NUAK2: variants seen among roughly 807,000 people sequenced by gnomAD.
NUAK2 encodes the protein NUAK family kinase 2, also known as NUAK family SNF1-like kinase 2.
Under a neutral mutation model 29.8 loss-of-function variants are expected in NUAK2, and 20 were observed. That is an observed-to-expected ratio of 0.67 (90% CI 0.47 to 0.98). NUAK2 has a LOEUF of 0.98. Among genes scored for constraint, NUAK2 ranks in the 50% least tolerant of loss-of-function variants. NUAK2 has a pLI of 0.00. For missense variants in NUAK2, 719 were observed against 834.5 expected (o/e 0.86, Z 1.71); for synonymous variants, 331 against 342.6 (o/e 0.97, Z 0.37).
chr1:205,303,565 C>A lies in NUAK2; in HGVS notation c.1772G>T (p.Cys591Phe). The change falls in exon 7 of 7, where the codon TGC (cysteine) becomes TTC (phenylalanine). Residue 591 changes from cysteine to phenylalanine, a missense_variant. Physicochemically the swap from Cys to Phe is radical, Grantham distance 205 (BLOSUM62 -2). Around this residue, in one of 3 missense-constraint regions of NUAK2, gnomAD observed 430 missense variants for 465.7 expected, o/e 0.92. Coordinates refer to ENST00000367157, the MANE Select transcript of NUAK2 (RefSeq NM_030952.3). ...AGGATCCTGCCGCCAGCGCCTCAGG[C>A]AGCTTCCAGGGCCCTCTGAGGGGGG... is the stretch of plus-strand genomic sequence containing the variant. ...EEPPSEGPGSCLRRWRQDPLG... is the reference protein window; with the variant it reads ...EEPPSEGPGSFLRRWRQDPLG... 6.2e-7 allele frequency: 1 copy of A among 1,613,626 alleles called. No homozygotes were observed. The highest frequency in any genetic ancestry group is 8.5e-7 in the Non-Finnish European group (1 of 1,179,948).
intron 1 of NUAK2, among the ~76,000 whole-genome samples, chr1:205,312,729 G>A (rs1662273257): frequency 6.6e-6 from 1 of 152,214 alleles, no homozygotes; most frequent in Non-Finnish European, 1.5e-5. Context: ...CTTGAGCCCA[G>A]TAGGCAGAAG....
Position 205,321,420 on chromosome 1 carries a change from G to A in NUAK2, c.209C>T (p.Ala70Val), listed in dbSNP as rs1287147817. The change falls in exon 1 of 7, where the codon GCG (alanine) becomes GTG (valine). Residue 70 changes from alanine to valine, a missense_variant. Physicochemically the swap from Ala to Val is moderately conservative, Grantham distance 64. Transcript: ENST00000367157. Reference sequence around the variant, plus strand: ...CACCAGGCGCCCCGAGCTCTCCCGCGCCTTCTTCACCTTCCCGTAGGTGCC... The same window carrying A: ...CACCAGGCGCCCCGAGCTCTCCCGCACCTTCTTCACCTTCCCGTAGGTGCC... ...GKGTYGKVKK[A>V]RESSGRLVAI... 4 of 1,613,710 alleles carry A rather than the reference G, an allele frequency of 2.5e-6. No homozygotes were observed. Among genetic ancestry groups the A allele is most frequent in the Non-Finnish European group, 2.5e-6 (3 of 1,179,832 alleles).
chr1:205,312,063 C>T (rs1662265445), intron 1 of NUAK2, among the ~76,000 whole-genome samples: 1 of 152,186 alleles, frequency 6.6e-6, no homozygotes, highest in Non-Finnish European at 1.5e-5. Flanking sequence ...CGACAAGTCA[C>T]CTCCTTATTC....
At chr1:205,306,152 T>C (rs755798950) in intron 5 of NUAK2, 36 bp downstream of exon 5, 1 of 1,571,928 alleles carries the variant, frequency 6.4e-7, no homozygotes, top group African/African-American at 1.4e-5. Context: ...ATAGTAAACA[T>C]CTGAGGCAGG....
At chr1:205,313,142 G>C (rs1258742583) in intron 1 of NUAK2, among the ~76,000 whole-genome samples, 2 of 151,548 alleles carry the variant, frequency 1.3e-5, no homozygotes, top group Non-Finnish European at 2.9e-5. Context: ...CTGGAGATTG[G>C]TTTACAACAA....
In NUAK2 at chr1:205,308,196, T is replaced by C. The variant is rs773872146; in HGVS notation, c.539A>G (p.Asn180Ser). The C allele has an allele frequency of 1.2e-6, 2 of 1,606,954 alleles. No homozygotes were observed. Among genetic ancestry groups the C allele is most frequent in the Non-Finnish European group, 8.5e-7 (1 of 1,177,230 alleles). Reference sequence around the variant, plus strand: ...ATTCCCATTGGCATCCAAGAGGATGTTCTCCAGCTTGAGATCTCGGTGGAC... The same window carrying C: ...ATTCCCATTGGCATCCAAGAGGATGCTCTCCAGCTTGAGATCTCGGTGGAC... ...RVVHRDLKLE[N>S]ILLDANGNIK... Residue 180 changes from asparagine (N) to serine (S), a missense_variant, in exon 4 of 7, where the codon AAC becomes AGC. Around this residue, in one of 3 missense-constraint regions of NUAK2, gnomAD observed 283 missense variants for 345.6 expected, o/e 0.82. Transcript: ENST00000367157. This position sits in a 1 kb window ranked among gnomAD's most constrained non-coding sequence, Gnocchi z 4.1.
intron 1 of NUAK2, among the ~76,000 whole-genome samples, chr1:205,319,836 G>C (rs902397245): frequency 6.6e-6 from 1 of 151,946 alleles, no homozygotes; most frequent in Non-Finnish European, 1.5e-5. Flanking sequence ...CCAATGAAAT[G>C]ACTTCTTGAA....
chr1:205,315,898 A>G (rs1662321970), intron 1 of NUAK2, among the ~76,000 whole-genome samples: 1 of 152,080 alleles, frequency 6.6e-6, no homozygotes, highest in African/African-American at 2.4e-5. Context: ...AATAAAAATA[A>G]AATGACTAAA....
At chr1:205,311,886 T>G in intron 1 of NUAK2, 61 bp from the exon 2 acceptor site, 1 of 1,602,994 alleles carries the variant, frequency 6.2e-7, no homozygotes, top group South Asian at 1.1e-5. Flanking sequence ...CTGGGGGCCC[T>G]GGTCCTGGTG....
At chr1:205,311,513 G>A (rs2102254026) in intron 2 of NUAK2, among the ~76,000 whole-genome samples, 192 bp downstream of exon 2, 1 of 152,300 alleles carries the variant, frequency 6.6e-6, no homozygotes, top group Non-Finnish European at 1.5e-5. Flanking sequence ...AGGAACTGAG[G>A]CCCAGAGACT....
Position 205,308,807 on chromosome 1 carries a change from C to T in NUAK2, c.353-75G>A. On this transcript the variant is annotated intron_variant, in intron 2 of 6. Transcript: ENST00000367157. This position sits in a 1 kb window ranked among gnomAD's most constrained non-coding sequence, Gnocchi z 4.1. ...CTCCACTGGGGGTGACTCACTCCTC[C>T]CCGACCCCAGGCCCCAAACCAGACA... is the stretch of plus-strand genomic sequence containing the variant. The T allele has an allele frequency of 6.5e-6, 10 of 1,550,352 alleles. No homozygotes were observed. The South Asian group carries it at 9.0e-5, about 14-fold the overall frequency.
intron 1 of NUAK2, among the ~76,000 whole-genome samples, chr1:205,318,957 G>A (rs781080962): frequency 1.5e-4 from 23 of 152,188 alleles, no homozygotes; most frequent in Admixed American, 1.3e-4. Flanking sequence ...AAGTCACCCA[G>A]CTGGCTTTCC....
At chr1:205,306,118 A>G (rs1204058946) in intron 5 of NUAK2, 70 bp downstream of exon 5, 4 of 1,504,870 alleles carry the variant, frequency 2.7e-6, no homozygotes, top group Non-Finnish European at 3.6e-6. Context: ...AAACTAGCCC[A>G]TCAATCTCCC....
intron 1 of NUAK2, among the ~76,000 whole-genome samples, chr1:205,315,975 A>T (rs1488628233): frequency 1.3e-5 from 2 of 152,222 alleles, no homozygotes; most frequent in Non-Finnish European, 2.9e-5. Context: ...TGCCTGAGAC[A>T]GTCCTGGTCT....
chr1:205,313,260 A>G (rs1226181606), intron 1 of NUAK2, among the ~76,000 whole-genome samples: 4 of 151,040 alleles, frequency 2.6e-5, no homozygotes, highest in Non-Finnish European at 4.4e-5. Context: ...AAAAAAAAAA[A>G]GCCCCCAAAC....
intron 1 of NUAK2, among the ~76,000 whole-genome samples, chr1:205,316,739 G>A (rs1342869515): frequency 2.0e-5 from 3 of 152,218 alleles, no homozygotes; most frequent in Admixed American, 2.0e-4. Context: ...TGCTAGCCAA[G>A]TATTATTATA....
chr1:205,319,318 G>A (rs147666878), intron 1 of NUAK2, among the ~76,000 whole-genome samples: 2 of 152,288 alleles, frequency 1.3e-5, no homozygotes, highest in Non-Finnish European at 2.9e-5. Context: ...AGTATCTTCT[G>A]ATGTAATAAG....
In NUAK2 at chr1:205,308,636, C is replaced by T. The variant is rs558886995; in HGVS notation, c.449G>A (p.Arg150His). 2.7e-5 allele frequency: 44 copies of T among 1,614,102 alleles called. No individual in the cohort carries two copies. In the African/African-American group the frequency reaches 3.2e-4, roughly 12 times the overall value. ...YISERQQLSE[R>H]EARHFFRQIV... ...CTGCCGGAAGAAATGCCTAGCTTCG[C>T]GCTCACTGAGCTGCTGCCGCTCGCT... The change falls in exon 3 of 7, where the codon CGC becomes CAC. Residue 150 changes from arginine to histidine, a missense_variant. Physicochemically the swap from Arg to His is conservative, Grantham distance 29. Transcript: ENST00000367157. This position sits in a 1 kb window ranked among gnomAD's most constrained non-coding sequence, Gnocchi z 4.1.
At chr1:205,310,617 A>G (rs1038586816) in intron 2 of NUAK2, among the ~76,000 whole-genome samples, 6 of 151,934 alleles carry the variant, frequency 3.9e-5, no homozygotes, top group African/African-American at 1.5e-4. Context: ...ACACACACAC[A>G]CCAATCACCA....
Sources: gnomAD v4.1 joint callset for allele counts (sites outside exome capture counted in the v4.1 genomes callset) on GRCh38, gnomAD v4.1.1 for gene constraint, gnomAD v4.1.1 regional missense constraint, Gnocchi (gnomAD v3.1) non-coding constraint, MANE v1.5 for transcripts, NCBI Gene and HGNC (gene_info 2026-07-23, HGNC 2026-07-21) for gene names.